GMEB2: variants seen among roughly 807,000 people sequenced by gnomAD.
The protein encoded by GMEB2 is glucocorticoid modulatory element binding protein 2, also known as glucocorticoid modulatory element-binding protein 2.
In GMEB2, 7 loss-of-function variants were observed where a neutral mutation model predicts 45.7. That is an observed-to-expected ratio of 0.15 (90% CI 0.09 to 0.29). The LOEUF is 0.29. Among genes scored for constraint, GMEB2 ranks in the 10% least tolerant of loss-of-function variants. The pLI is 1.00. For synonymous variants in GMEB2, 322 were observed against 323.6 expected, an observed-to-expected ratio of 1.00 and a Z score of 0.05; for missense variants, 582 against 739.2, an observed-to-expected ratio of 0.79 and a Z score of 2.47.
intron 2 of GMEB2, among the ~76,000 whole-genome samples, chr20:63,610,888 C>T (rs1569056333): frequency 6.6e-6 from 1 of 152,194 alleles, no homozygotes; most frequent in Non-Finnish European, 1.5e-5. Context: ...GTGACGAGGC[C>T]CTACGAGGAC....
chr20:63,614,910 T>C (rs2089597472), intron 2 of GMEB2, among the ~76,000 whole-genome samples: 1 of 152,136 alleles, frequency 6.6e-6, no homozygotes, highest in Non-Finnish European at 1.5e-5. Flanking sequence ...CTTTGTCTTG[T>C]ATCCAATAAA....
intron 2 of GMEB2, among the ~76,000 whole-genome samples, chr20:63,615,974 G>A (rs532960074): frequency 6.6e-6 from 1 of 152,274 alleles, no homozygotes; most frequent in South Asian, 2.1e-4. Context: ...GAATCTCTAG[G>A]TAGTAGTAAT....
Position 63,619,158 on chromosome 20 carries a change from A to G in GMEB2, c.131+109T>C. The G allele has an allele frequency of 9.0e-7, 1 of 1,117,178 alleles. No homozygotes were observed. The allele number at this position is 1,117,178 out of a possible 1,614,324, so 69.2% of individuals were successfully genotyped here. On this transcript the variant is annotated intron_variant, in intron 2 of 9. Transcript: ENST00000370077. This position sits in a 1 kb window ranked among gnomAD's most constrained non-coding sequence, Gnocchi z 4.6. ...TTGAGTCCAGTCTCAGAAGAACTGG[A>G]ACTAGAAAAATCCTGACACTTGTCC...
At chr20:63,626,236 G>GTGGGTCTCGTCCCTGTGGGGTGGTCCCTC (rs71197425) in intron 1 of GMEB2, among the ~76,000 whole-genome samples, 1 of 151,866 alleles carries the variant, frequency 6.6e-6, no homozygotes, top group East Asian at 1.9e-4. Context: ...GGTGATCCCT[G>GTGGGTCTCGTCCCTGTGGGGTGGTCCCTC]CGGGTCGCGT....
intron 2 of GMEB2, among the ~76,000 whole-genome samples, chr20:63,615,151 T>C (rs1010738720): frequency 6.6e-6 from 1 of 152,078 alleles, no homozygotes; most frequent in Non-Finnish European, 1.5e-5. Context: ...ATTGCGATCC[T>C]CCAAACCCAG....
rs542265009 is a variant in GMEB2, at chr20:63,623,890, T to A, written c.-58+3066A>T. Among the ~76,000 whole-genome samples, 5 of 151,528 alleles carry A rather than the reference T, an allele frequency of 3.3e-5. No homozygotes were observed. In the East Asian group the frequency reaches 9.7e-4, roughly 29 times the overall value. ...ACTTTGGGAGGCCGAGGCGAGCAGA[T>A]CACCTGAGGTCAGGAGTTAGACCAG... On this transcript the variant is annotated intron_variant, in intron 1 of 9. Transcript: ENST00000370077.
At chr20:63,613,550 C>A (rs1430312041) in intron 2 of GMEB2, among the ~76,000 whole-genome samples, 2 of 144,788 alleles carry the variant, frequency 1.4e-5, no homozygotes, top group South Asian at 4.3e-4. Flanking sequence ...GACTGAGTCT[C>A]GCTCTGTCAC....
chr20:63,595,251 G>T (rs2083184873), intron 6 of GMEB2, among the ~76,000 whole-genome samples: 1 of 151,024 alleles, frequency 6.6e-6, no homozygotes, highest in African/African-American at 2.4e-5. Context: ...CAGGAGGGAA[G>T]CGGGTCCAGA....
intron 1 of GMEB2, among the ~76,000 whole-genome samples, chr20:63,620,657 A>G (rs1440380031): frequency 6.6e-6 from 1 of 152,240 alleles, no homozygotes; most frequent in Non-Finnish European, 1.5e-5. Context: ...TCCACAGTGC[A>G]CTGGAAAGTC....
chr20:63,626,566 G>A (rs1195444223), intron 1 of GMEB2, among the ~76,000 whole-genome samples: 2 of 148,394 alleles, frequency 1.3e-5, no homozygotes, highest in East Asian at 4.1e-4. Flanking sequence ...TGGCCCCTGC[G>A]GGTCGGGTGC....
intron 2 of GMEB2, among the ~76,000 whole-genome samples, chr20:63,615,629 A>G (rs2089603028): frequency 6.6e-6 from 1 of 152,232 alleles, no homozygotes; most frequent in Admixed American, 6.5e-5. Flanking sequence ...CCTGGCCAAC[A>G]TAGGAAGAAA....
chr20:63,600,947 T>C (rs931834644), intron 4 of GMEB2, among the ~76,000 whole-genome samples: 12 of 152,090 alleles, frequency 7.9e-5, no homozygotes, highest in Non-Finnish European at 1.5e-4. Flanking sequence ...AGCCTGATGA[T>C]GTGAAGATGG....
chr20:63,601,860 G>T lies in GMEB2; in HGVS notation c.357+1105C>A, dbSNP rs1294145517. Among the ~76,000 whole-genome samples the T allele has an allele frequency of 1.7e-4, 25 of 142,866 alleles. 1 individual carries two copies. The highest frequency in any genetic ancestry group is 4.6e-5 in the Non-Finnish European group (3 of 65,914). The allele number at this position is 142,866 out of a possible 152,430, so 93.7% of individuals were successfully genotyped here. On this transcript the variant is annotated intron_variant, in intron 4 of 9. Transcript: ENST00000370077. ...TCCGTGGGGCCTGTGGCTTCCGTGG[G>T]GCCTGTGGCTTCCGTGCTGCCTGTG...
rs750304761 is a variant in GMEB2 at position 63,590,739 on chromosome 20, G to C, written c.953-10C>G. On this transcript the variant is annotated splice_polypyrimidine_tract_variant and intron_variant, in intron 9 of 9. Transcript: ENST00000370077. The stretch of plus-strand genomic sequence containing the variant: ...CACTGCTGCTCCAGGGCTGCAGGGA[G>C]GTACAGATGGCATCACACAGGGGAC... 2.0e-5 allele frequency: 30 copies of C among 1,477,296 alleles called. No homozygotes were observed. The East Asian group carries it at 7.1e-4, about 35-fold the overall frequency. The allele number at this position is 1,477,296 out of a possible 1,614,324, so 91.5% of individuals were successfully genotyped here.
In GMEB2 at chr20:63,590,507, TG is replaced by T; in HGVS notation, c.1174del (p.Gln392SerfsTer2). ...TTTACCAAGGGGCACGCTGGTCAGC[TG>T]GGGGACGGGCACGCCCGGGCCAAGC... The part of the protein sequence containing the change: ...LALGPGVPVP[Q>X]LTSVPLGKVV... On this transcript the variant is annotated frameshift_variant, in exon 10 of 10. Transcript: ENST00000370077. LOFTEE classifies it high-confidence loss of function. The T allele has an allele frequency of 6.6e-7, 1 of 1,507,364 alleles. No individual in the cohort carries two copies. Among genetic ancestry groups the T allele is most frequent in the Non-Finnish European group, 8.9e-7 (1 of 1,122,932 alleles). 93.4% of individuals were successfully genotyped at this position (1,507,364 alleles called of 1,614,324 possible).
intron 3 of GMEB2, among the ~76,000 whole-genome samples, 168 bp from the exon 4 acceptor site, chr20:63,603,260 C>T (rs558991090): frequency 6.6e-6 from 1 of 152,248 alleles, no homozygotes; most frequent in East Asian, 1.9e-4. Flanking sequence ...CCCATCAGTG[C>T]CATTAGAGTT....
At chr20:63,599,732 A>G (rs551866294) in intron 4 of GMEB2, among the ~76,000 whole-genome samples, 5 of 152,186 alleles carry the variant, frequency 3.3e-5, no homozygotes, top group Admixed American at 6.5e-5. Flanking sequence ...TAATTCTAAT[A>G]CAATTTCAAA....
chr20:63,600,696 C>A (rs550919147), intron 4 of GMEB2, among the ~76,000 whole-genome samples: 1 of 108,366 alleles, frequency 9.2e-6, no homozygotes, highest in South Asian at 3.2e-4. Flanking sequence ...CCAGTCTGGG[C>A]AACAGAGGAA....
chr20:63,592,402 A>G lies in GMEB2; in HGVS notation c.829+131T>C. On this transcript the variant is annotated intron_variant, in intron 8 of 9. Coordinates refer to ENST00000370077, the MANE Select transcript of GMEB2 (RefSeq NM_012384.5). This position sits in a 1 kb window ranked among gnomAD's most constrained non-coding sequence, Gnocchi z 8.2. ...CCAAGTTCAGCCTCAGCACAGCAGGAGTCCCAAGCCTAGATTCAGCCTCCA... is the reference window on the plus strand; with the variant it reads ...CCAAGTTCAGCCTCAGCACAGCAGGGGTCCCAAGCCTAGATTCAGCCTCCA... The G allele has an allele frequency of 1.4e-6, 1 of 694,574 alleles. No homozygotes were observed. Among genetic ancestry groups the G allele is most frequent in the South Asian group, 1.9e-5 (1 of 53,970 alleles). 43.0% of individuals were successfully genotyped at this position (694,574 alleles called of 1,614,324 possible). A position where few individuals can be genotyped will look rare whatever the true frequency, so the allele number is the denominator to read the frequency against.
Sources: gnomAD v4.1 joint callset for allele counts (sites outside exome capture counted in the v4.1 genomes callset) on GRCh38, gnomAD v4.1.1 for gene constraint, Gnocchi (gnomAD v3.1) non-coding constraint, MANE v1.5 for transcripts, NCBI Gene and HGNC (gene_info 2026-07-23, HGNC 2026-07-21) for gene names.